ADGRG6: variants seen among roughly 807,000 people sequenced by gnomAD.
ADGRG6 encodes G-protein coupled receptor 126.
Under a neutral mutation model 142.4 loss-of-function variants are expected in ADGRG6, and 84 were observed. The ratio of observed to expected loss-of-function variants is 0.59; its 90% CI spans 0.49 to 0.71. The LOEUF is 0.71. Ranked by LOEUF, ADGRG6 falls within the 30% of genes least tolerant of loss-of-function variation. The probability of loss-of-function intolerance (pLI) is 0.00; values close to 1 mark genes in which losing one functional copy is unlikely to be tolerated. For synonymous variants in ADGRG6, 521 were observed against 520.5 expected, an observed-to-expected ratio of 1.00 and a Z score of -0.01; for missense variants, 1,367 against 1,466.6, an observed-to-expected ratio of 0.93 and a Z score of 1.11.
At chr6:142,310,542 TAAA>T (rs1167483885) in intron 2 of ADGRG6, among the ~76,000 whole-genome samples, 3 of 151,848 alleles carry the variant, frequency 2.0e-5, no homozygotes, top group East Asian at 3.9e-4. Context: ...TATATTATCA[TAAA>T]GAATACATTT....
intron 18 of ADGRG6, among the ~76,000 whole-genome samples, chr6:142,413,625 T>C (rs1776205262): frequency 6.6e-6 from 1 of 152,150 alleles, no homozygotes; most frequent in South Asian, 2.1e-4. Flanking sequence ...AAAACCATGA[T>C]TCATCTCTCT....
chr6:142,396,920 G>T (rs1025097538), intron 9 of ADGRG6, among the ~76,000 whole-genome samples: 3 of 152,018 alleles, frequency 2.0e-5, no homozygotes, highest in Non-Finnish European at 4.4e-5. Context: ...CAGGGCTTTG[G>T]GGATACATTT....
At chr6:142,360,104 A>G (rs1780643762) in intron 2 of ADGRG6, among the ~76,000 whole-genome samples, 1 of 152,236 alleles carries the variant, frequency 6.6e-6, no homozygotes, top group Non-Finnish European at 1.5e-5. Context: ...AGCCCTTGGC[A>G]AATTATTTGA....
At chr6:142,349,107 A>C (rs1012552848) in intron 2 of ADGRG6, among the ~76,000 whole-genome samples, 24 of 152,198 alleles carry the variant, frequency 1.6e-4, no homozygotes, top group Non-Finnish European at 3.5e-4. Flanking sequence ...TCTCACTTCA[A>C]TACTGTTTTC....
intron 4 of ADGRG6, among the ~76,000 whole-genome samples, chr6:142,371,170 A>AT (rs200039040): frequency 2.8e-4 from 42 of 149,792 alleles, no homozygotes; most frequent in East Asian, 1.6e-3. Flanking sequence ...AGTTATTGGT[A>AT]TTTTTTTTTT....
chr6:142,360,368 G>A (rs558208104), intron 2 of ADGRG6, among the ~76,000 whole-genome samples: 4 of 152,276 alleles, frequency 2.6e-5, no homozygotes, highest in East Asian at 1.9e-4. Flanking sequence ...ATTAGCCAGC[G>A]AGAATGAGTA....
rs1775661819 is a variant in ADGRG6, at chr6:142,403,859, T to C, written c.2013T>C (p.His671=). The C allele has an allele frequency of 6.2e-7, 1 of 1,609,770 alleles. No individual in the cohort carries two copies. The highest frequency in any genetic ancestry group is 8.5e-7 in the Non-Finnish European group (1 of 1,176,684). ...AGATAGACCTAAATAGCACATCACA[T>C]GTGAATATTACAACTCGGAACTTGG... is the stretch of plus-strand genomic sequence containing the variant. ...AFKIDLNSTS[H]VNITTRNLAL... Residue 671 remains histidine, a synonymous_variant, in exon 14 of 25, where the codon CAT becomes CAC. Coordinates refer to ENST00000367609, the MANE Select transcript of ADGRG6 (RefSeq NM_198569.3).
intron 2 of ADGRG6, among the ~76,000 whole-genome samples, chr6:142,336,372 G>A (rs1005289048): frequency 1.3e-5 from 2 of 152,110 alleles, no homozygotes; most frequent in Admixed American, 1.3e-4. Context: ...TTCAGAAAGG[G>A]CAAATTCCCT....
In ADGRG6 at chr6:142,429,863, G is replaced by A. The variant is rs1777126835; in HGVS notation, c.3320-7571G>A. On this transcript the variant is annotated intron_variant, in intron 22 of 24. Transcript: ENST00000367609. ...GACCAGGAGTTCAAGACCATCATGG[G>A]CAACATGGTGATACCCCATCTTTAC... Among the ~76,000 whole-genome samples, 4 of 152,158 alleles carry A rather than the reference G, an allele frequency of 2.6e-5. No homozygotes were observed. In the South Asian group the frequency reaches 8.3e-4, roughly 32 times the overall value.
At chr6:142,415,735 G>A (rs1776314269) in intron 19 of ADGRG6, 61 bp from the exon 20 acceptor site, 1 of 1,188,962 alleles carries the variant, frequency 8.4e-7, no homozygotes, top group African/African-American at 1.5e-5. Context: ...ATACAGGCCT[G>A]TGCTTAAAAG....
chr6:142,432,589 G>A (rs561144778), intron 22 of ADGRG6, among the ~76,000 whole-genome samples: 1 of 152,092 alleles, frequency 6.6e-6, no homozygotes. Context: ...AAATTATTGA[G>A]TGCCTGTATA....
intron 22 of ADGRG6, among the ~76,000 whole-genome samples, chr6:142,435,523 C>A (rs1185082629): frequency 1.3e-5 from 2 of 151,508 alleles, no homozygotes; most frequent in Non-Finnish European, 2.9e-5. Flanking sequence ...CGTCTCCAAA[C>A]ACATTTAACA....
At chr6:142,344,915 G>A (rs1779819888) in intron 2 of ADGRG6, among the ~76,000 whole-genome samples, 2 of 151,914 alleles carry the variant, frequency 1.3e-5, no homozygotes, top group African/African-American at 4.8e-5. Flanking sequence ...GGGAATATTA[G>A]GAAATAAACT....
chr6:142,366,446 T>C lies in ADGRG6; in HGVS notation c.104-1123T>C, dbSNP rs574468512. Among the ~76,000 whole-genome samples the C allele has an allele frequency of 3.9e-5, 6 of 152,314 alleles. No homozygotes were observed. In the East Asian group the frequency reaches 1.2e-3, roughly 29 times the overall value. Reference sequence around the variant, plus strand: ...TGGCATGCTCCTTCACATCATTCAGTTGGATCTCTCCTCAAATGTCACCTC... The same window carrying C: ...TGGCATGCTCCTTCACATCATTCAGCTGGATCTCTCCTCAAATGTCACCTC... On this transcript the variant is annotated intron_variant, in intron 2 of 24. Coordinates refer to ENST00000367609, the MANE Select transcript of ADGRG6 (RefSeq NM_198569.3).
At chr6:142,420,303 T>A (rs1582665437) in intron 22 of ADGRG6, among the ~76,000 whole-genome samples, 199 bp downstream of exon 22, 1 of 152,254 alleles carries the variant, frequency 6.6e-6, no homozygotes, top group East Asian at 1.9e-4. Context: ...TGCCTTTTTA[T>A]CAGTGGTATA....
At chr6:142,374,055 T>A (rs1228730080) in intron 4 of ADGRG6, among the ~76,000 whole-genome samples, 1 of 152,066 alleles carries the variant, frequency 6.6e-6, no homozygotes, top group Non-Finnish European at 1.5e-5. Context: ...CATTAGTTTA[T>A]ATATTGTCTT....
chr6:142,394,599 T>G (rs1775074997), intron 9 of ADGRG6, among the ~76,000 whole-genome samples: 1 of 150,426 alleles, frequency 6.6e-6, no homozygotes, highest in Non-Finnish European at 1.5e-5. Flanking sequence ...TTTTTTTTTT[T>G]GAGACAGAGT....
intron 4 of ADGRG6, among the ~76,000 whole-genome samples, chr6:142,372,652 C>T (rs1347565923): frequency 1.3e-5 from 2 of 152,180 alleles, no homozygotes; most frequent in East Asian, 3.9e-4. Context: ...GTGATGTTCC[C>T]TAAGATCTTC....
chr6:142,438,330 C>CCAAA lies in ADGRG6; in HGVS notation c.3540_3541insCAAA (p.Ser1181GlnfsTer10). ...ATCTTACATCCAAATCTAAATCCAGCTCTACCACCTATTTCAAAAGGAATA... is the reference window on the plus strand; with the variant it reads ...ATCTTACATCCAAATCTAAATCCAGCCAAATCTACCACCTATTTCAAAAGGAATA... On this transcript the variant is annotated frameshift_variant, in exon 24 of 25. Coordinates refer to ENST00000367609, the MANE Select transcript of ADGRG6 (RefSeq NM_198569.3). LOFTEE classifies it high-confidence loss of function. 6.2e-7 allele frequency: 1 copy of CCAAA among 1,609,260 alleles called. No individual in the cohort carries two copies. The highest frequency in any genetic ancestry group is 1.1e-5 in the South Asian group (1 of 90,404).
Sources: allele counts gnomAD v4.1 joint callset (sites outside exome capture counted in the v4.1 genomes callset), GRCh38; gene constraint gnomAD v4.1.1; transcripts MANE v1.5; gene names NCBI Gene and HGNC (gene_info 2026-07-23, HGNC 2026-07-21).